The following DSCAM variants were observed in gnomAD, a reference collection of about 807,000 sequenced individuals.
DSCAM encodes cell adhesion molecule DSCAM.
A neutral mutation model predicts 217.7 loss-of-function variants in DSCAM; 47 were observed. The ratio of observed to expected loss-of-function variants is 0.22; its 90% CI spans 0.17 to 0.28. The LOEUF (loss-of-function observed/expected upper bound fraction) is 0.28, where lower values mean the gene tolerates loss of function less well. Ranked by LOEUF, DSCAM falls within the 10% of genes least tolerant of loss-of-function variation. The pLI is 1.00. For synonymous variants in DSCAM, 1,056 were observed against 1,015.3 expected (o/e 1.04, Z -0.76); for missense variants, 2,080 against 2,618.3 (o/e 0.79, Z 4.49).
At chr21:40,191,747 G>A (rs887657562) in intron 11 of DSCAM, among the ~76,000 whole-genome samples, 2 of 152,138 alleles carry the variant, frequency 1.3e-5, no homozygotes, top group East Asian at 1.9e-4. Flanking sequence ...GAGCTCTAGA[G>A]GAAGACCCTT....
intron 3 of DSCAM, among the ~76,000 whole-genome samples, chr21:40,540,017 T>C (rs1185603805): frequency 6.6e-6 from 1 of 152,226 alleles, no homozygotes; most frequent in African/African-American, 2.4e-5. Flanking sequence ...CTTTAGCAGT[T>C]TGTTTCTATT....
chr21:40,645,598 C>T (rs1405402293), intron 3 of DSCAM, among the ~76,000 whole-genome samples: 1 of 152,036 alleles, frequency 6.6e-6, no homozygotes, highest in East Asian at 1.9e-4. Flanking sequence ...TCCTAAATCT[C>T]ATAGCAATCA....
At chr21:40,729,200 G>A (rs1213987977) in intron 1 of DSCAM, among the ~76,000 whole-genome samples, 1 of 152,148 alleles carries the variant, frequency 6.6e-6, no homozygotes, top group South Asian at 2.1e-4. Flanking sequence ...TGCTATTGCT[G>A]CTATTTTTAT....
intron 11 of DSCAM, among the ~76,000 whole-genome samples, chr21:40,239,304 C>T (rs751575017): frequency 1.3e-4 from 20 of 151,784 alleles, no homozygotes; most frequent in Non-Finnish European, 1.5e-4. Context: ...ATTTTGATAT[C>T]ACAAGTTTCT....
Position 40,610,733 on chromosome 21 carries a change from G to C in DSCAM, c.508+82077C>G, listed in dbSNP as rs115691085. The stretch of plus-strand genomic sequence containing the variant: ...CACCTAATCATGTTTCCCTAAGTGT[G>C]TTTCATGGGAGGTGAATATCCAAGG... On this transcript the variant is annotated intron_variant, in intron 3 of 32. Transcript: ENST00000400454. Among the ~76,000 whole-genome samples the C allele has an allele frequency of 3.5e-3, 533 of 152,294 alleles. 3 individuals carry two copies. The highest frequency in any genetic ancestry group is 0.014 in the Middle Eastern group (4 of 294).
Position 40,232,855 on chromosome 21 carries a change from G to A in DSCAM, c.2356+43242C>T, listed in dbSNP as rs143806501. Among the ~76,000 whole-genome samples the A allele has an allele frequency of 2.9e-3, 438 of 152,178 alleles. 1 individual carries two copies. Among genetic ancestry groups the A allele is most frequent in the African/African-American group, 0.01 (422 of 41,534 alleles). ...ATTTAAGGAGTCATAATAATACTAAGTTATTCATGTTGTTTATTTATTTAT... is the reference window on the plus strand; with the variant it reads ...ATTTAAGGAGTCATAATAATACTAAATTATTCATGTTGTTTATTTATTTAT... On this transcript the variant is annotated intron_variant, in intron 11 of 32. Transcript: ENST00000400454.
chr21:40,692,915 T>C lies in DSCAM; in HGVS notation c.403A>G (p.Thr135Ala), dbSNP rs753121368. The change falls in exon 3 of 33, where the codon ACC becomes GCC. Residue 135 changes from threonine (T) to alanine (A), a missense_variant. Physicochemically the swap from Thr to Ala is moderately conservative, Grantham distance 58. Around this residue, in one of 5 missense-constraint regions of DSCAM, gnomAD observed 568 missense variants for 678.1 expected, o/e 0.84. Coordinates refer to ENST00000400454, the MANE Select transcript of DSCAM (RefSeq NM_001389.5). ...PYTVRVEDQKTMRGNVAVFKC... is the reference protein window; with the variant it reads ...PYTVRVEDQKAMRGNVAVFKC... ...AAGACCGCAACATTGCCTCTCATGG[T>C]TTTCTGGTCCTCCACACGGACTGTA... 6.2e-6 allele frequency: 10 copies of C among 1,613,658 alleles called. No homozygotes were observed. In the South Asian group the frequency reaches 9.9e-5, roughly 16 times the overall value.
intron 4 of DSCAM, among the ~76,000 whole-genome samples, chr21:40,357,870 A>AG (rs2074713011): frequency 6.6e-6 from 1 of 151,112 alleles, no homozygotes; most frequent in Non-Finnish European, 1.5e-5. Flanking sequence ...ATAAAAAAAA[A>AG]CAAAAACAAA....
chr21:40,503,483 A>T (rs1012482768), intron 3 of DSCAM, among the ~76,000 whole-genome samples: 2 of 152,198 alleles, frequency 1.3e-5, no homozygotes, highest in Non-Finnish European at 2.9e-5. Flanking sequence ...TGCACTTATA[A>T]CAAGACTAGC....
At chr21:40,518,519 A>T (rs11909199) in intron 3 of DSCAM, among the ~76,000 whole-genome samples, 2 of 7,462 alleles carry the variant, frequency 2.7e-4, no homozygotes, top group African/African-American at 1.8e-3. Flanking sequence ...AATATATATA[A>T]TATATATTTT....
intron 3 of DSCAM, among the ~76,000 whole-genome samples, chr21:40,616,137 G>A (rs2089390744): frequency 6.6e-6 from 1 of 152,138 alleles, no homozygotes; most frequent in African/African-American, 2.4e-5. Flanking sequence ...TTAGCAGAAA[G>A]GGCTTCACTG....
At chr21:40,271,046 T>C (rs1479143472) in intron 11 of DSCAM, among the ~76,000 whole-genome samples, 2 of 152,314 alleles carry the variant, frequency 1.3e-5, no homozygotes, top group East Asian at 1.9e-4. Flanking sequence ...GGTCAAATCA[T>C]AACATGGAGA....
intron 3 of DSCAM, among the ~76,000 whole-genome samples, chr21:40,624,406 T>C (rs1052798399): frequency 7.9e-5 from 12 of 152,202 alleles, no homozygotes; most frequent in Non-Finnish European, 1.6e-4. Context: ...TCACCAGCAC[T>C]GCTGTAAGAT....
intron 3 of DSCAM, among the ~76,000 whole-genome samples, chr21:40,663,066 T>TGTAA (rs1555877423): frequency 1.3e-5 from 2 of 151,052 alleles, no homozygotes; most frequent in East Asian, 3.9e-4. Flanking sequence ...TGTGCGCACC[T>TGTAA]GTGTGTATGC....
intron 3 of DSCAM, among the ~76,000 whole-genome samples, chr21:40,371,209 A>G (rs1165033683): frequency 6.6e-6 from 1 of 152,208 alleles, no homozygotes; most frequent in Admixed American, 6.6e-5. Flanking sequence ...AATGCTGTAT[A>G]TTCCAGATAA....
chr21:40,446,893 C>CAGG (rs1249056144), intron 3 of DSCAM, among the ~76,000 whole-genome samples: 5 of 152,096 alleles, frequency 3.3e-5, no homozygotes, highest in Non-Finnish European at 2.9e-5. Context: ...CAGGGCCAGC[C>CAGG]CCAAATGCAG....
intron 3 of DSCAM, among the ~76,000 whole-genome samples, chr21:40,514,208 A>C (rs73228114): frequency 0.034 from 5,221 of 152,316 alleles, 126 homozygotes; most frequent in Non-Finnish European, 0.051. Context: ...CCTTATTCCC[A>C]AAGAAGTATA....
chr21:40,826,572 C>T (rs1321440469), intron 1 of DSCAM, among the ~76,000 whole-genome samples: 1 of 152,134 alleles, frequency 6.6e-6, no homozygotes, highest in Non-Finnish European at 1.5e-5. Flanking sequence ...AAGGAGAACG[C>T]AGCTTGAAGG....
chr21:40,730,709 G>C (rs1379776021), intron 1 of DSCAM, among the ~76,000 whole-genome samples: 3 of 152,156 alleles, frequency 2.0e-5, no homozygotes, highest in Non-Finnish European at 2.9e-5. Context: ...AACTGCAAGA[G>C]AGGAGGGGGT....
Sources: gnomAD v4.1 joint callset for allele counts (sites outside exome capture counted in the v4.1 genomes callset) on GRCh38, gnomAD v4.1.1 for gene constraint, gnomAD v4.1.1 regional missense constraint, MANE v1.5 for transcripts, NCBI Gene and HGNC (gene_info 2026-07-23, HGNC 2026-07-21) for gene names.